Variants in PDIA5 observed in about 807,000 individuals in gnomAD.
PDIA5 encodes protein disulfide isomerase family A member 5.
Under a neutral mutation model 77.6 loss-of-function variants are expected in PDIA5, and 58 were observed. That is an observed-to-expected ratio of 0.75 (90% CI 0.61 to 0.93). PDIA5 has a LOEUF of 0.93. Among genes scored for constraint, PDIA5 ranks in the 40% least tolerant of loss-of-function variants. PDIA5 has a pLI of 0.00. For synonymous variants in PDIA5, 250 were observed against 252.1 expected (o/e 0.99, Z 0.08); for missense variants, 630 against 647.7 (o/e 0.97, Z 0.30).
intron 13 of PDIA5, among the ~76,000 whole-genome samples, chr3:123,149,242 T>G (rs1935830875): frequency 6.6e-6 from 1 of 152,174 alleles, no homozygotes; most frequent in African/African-American, 2.4e-5. Flanking sequence ...GAAAAACACC[T>G]GGAAATAAGG....
rs765284016 is a variant in PDIA5 at position 123,110,955 on chromosome 3, G to T, written c.492G>T (p.Arg164=). ...VHLDSEKDFR[R]LLKKEEKPLL... ...TTTTTGTGCCTCAGGACTTCAGACG[G>T]CTCCTGAAGAAGGAAGAGAAGCCGC... The change falls in exon 7 of 17, where the codon CGG becomes CGT. Residue 164 remains arginine (R), a synonymous_variant. Transcript: ENST00000316218. 1.9e-6 allele frequency: 3 copies of T among 1,613,698 alleles called. No homozygotes were observed.
chr3:123,086,897 G>C (rs1211674507), intron 1 of PDIA5, among the ~76,000 whole-genome samples: 1 of 152,168 alleles, frequency 6.6e-6, no homozygotes, highest in Non-Finnish European at 1.5e-5. Flanking sequence ...TAGTTTGGCT[G>C]GTTACAGAAT....
At chr3:123,150,087 T>C in intron 13 of PDIA5, 147 bp from the exon 14 acceptor site, 1 of 668,476 alleles carries the variant, frequency 1.5e-6, no homozygotes, top group Non-Finnish European at 2.6e-6. Flanking sequence ...GTGTTTAAAC[T>C]GTGGTTTTAA....
chr3:123,159,203 C>T (rs758516980), intron 15 of PDIA5, among the ~76,000 whole-genome samples: 5 of 152,228 alleles, frequency 3.3e-5, no homozygotes, highest in Non-Finnish European at 7.3e-5. Flanking sequence ...GCAGCAGCTC[C>T]TGGCCCGGGC....
At chr3:123,107,470 G>A (rs901317952) in intron 6 of PDIA5, among the ~76,000 whole-genome samples, 20 of 152,204 alleles carry the variant, frequency 1.3e-4, no homozygotes, top group Non-Finnish European at 1.5e-5. Context: ...CAGGAGGATC[G>A]CTTGAGCCCA....
At chr3:123,133,013 T>G (rs1406978875) in intron 11 of PDIA5, among the ~76,000 whole-genome samples, 2 of 152,220 alleles carry the variant, frequency 1.3e-5, no homozygotes, top group Non-Finnish European at 2.9e-5. Context: ...CGGATGGTAA[T>G]AGCTCTGGAT....
chr3:123,134,999 C>T (rs555026771), intron 11 of PDIA5, among the ~76,000 whole-genome samples: 1 of 152,318 alleles, frequency 6.6e-6, no homozygotes, highest in African/African-American at 2.4e-5. Context: ...CACAGTGGGG[C>T]CTCACATGCA....
intron 1 of PDIA5, among the ~76,000 whole-genome samples, chr3:123,077,615 T>C: frequency 6.6e-6 from 1 of 151,418 alleles, no homozygotes; most frequent in Admixed American, 6.6e-5. Context: ...GGACTCATGT[T>C]GCTTGGTTTT....
intron 1 of PDIA5, among the ~76,000 whole-genome samples, chr3:123,072,701 G>A (rs1317659509): frequency 6.6e-6 from 1 of 152,204 alleles, no homozygotes; most frequent in African/African-American, 2.4e-5. Context: ...TCTTGAGAAT[G>A]AAGACACCAA....
rs59022235 is a variant in PDIA5, at chr3:123,136,725, C to CAA, written c.910+6132_910+6133dup. On this transcript the variant is annotated intron_variant, in intron 11 of 16. Transcript: ENST00000316218. ...TTGCACTCCAGCCTGGGTGACAAGACAAAAAAAAAAAAAAAAAAAAAAAAG... is the reference window on the plus strand; with the variant it reads ...TTGCACTCCAGCCTGGGTGACAAGACAAAAAAAAAAAAAAAAAAAAAAAAAAG... Among the ~76,000 whole-genome samples, 415 of 71,428 alleles carry CAA rather than the reference C, an allele frequency of 5.8e-3. 1 individual carries two copies. The highest frequency in any genetic ancestry group is 6.4e-3 in the Non-Finnish European group (253 of 39,708). 46.9% of individuals were successfully genotyped at this position (71,428 alleles called of 152,430 possible).
intron 14 of PDIA5, among the ~76,000 whole-genome samples, chr3:123,151,471 T>C (rs1935891014): frequency 6.6e-6 from 1 of 151,930 alleles, no homozygotes; most frequent in South Asian, 2.1e-4. Context: ...AGAGTGAGAG[T>C]GTTTTCAGCA....
At chr3:123,113,223 A>G (rs979370251) in intron 7 of PDIA5, among the ~76,000 whole-genome samples, 2 of 152,188 alleles carry the variant, frequency 1.3e-5, no homozygotes, top group Non-Finnish European at 2.9e-5. Context: ...TGGAGTGTAT[A>G]TCAATATGCA....
intron 7 of PDIA5, among the ~76,000 whole-genome samples, chr3:123,115,114 C>T (rs1038997354): frequency 1.6e-4 from 25 of 152,164 alleles, no homozygotes; most frequent in African/African-American, 5.1e-4. Context: ...ACCCTGTGCC[C>T]GCTGTGCCAA....
intron 7 of PDIA5, among the ~76,000 whole-genome samples, chr3:123,111,948 G>A (rs759707103): frequency 1.3e-5 from 2 of 152,026 alleles, no homozygotes; most frequent in African/African-American, 2.4e-5. Flanking sequence ...TATGGCCCAC[G>A]GGCCAGCTGC....
chr3:123,099,764 A>T (rs1270030884), intron 3 of PDIA5, among the ~76,000 whole-genome samples: 4 of 152,104 alleles, frequency 2.6e-5, no homozygotes, highest in African/African-American at 9.7e-5. Context: ...TTTTCCATGG[A>T]GGGGTTTCCC....
At chr3:123,158,953 C>T (rs1432957262) in intron 15 of PDIA5, among the ~76,000 whole-genome samples, 1 of 152,326 alleles carries the variant, frequency 6.6e-6, no homozygotes, top group East Asian at 1.9e-4. Flanking sequence ...GTCTCTTCTT[C>T]TGTGGAAAAC....
chr3:123,115,725 C>T (rs763509954), intron 7 of PDIA5, among the ~76,000 whole-genome samples: 7 of 152,224 alleles, frequency 4.6e-5, no homozygotes, highest in Non-Finnish European at 8.8e-5. Context: ...GCTTAATTAT[C>T]CTTGTTAATG....
intron 15 of PDIA5, among the ~76,000 whole-genome samples, chr3:123,155,573 G>T (rs1251684511): frequency 2.0e-5 from 3 of 152,226 alleles, no homozygotes; most frequent in Admixed American, 1.3e-4. Flanking sequence ...CCAGGCAGCT[G>T]GTGCAGTGGG....
At chr3:123,120,189 TG>T (rs1935077870) in intron 8 of PDIA5, among the ~76,000 whole-genome samples, 2 of 152,222 alleles carry the variant, frequency 1.3e-5, no homozygotes, top group Non-Finnish European at 2.9e-5. Flanking sequence ...TCGGCCATGA[TG>T]GGCCAGTCTG....
Sources: allele counts gnomAD v4.1 joint callset (sites outside exome capture counted in the v4.1 genomes callset), GRCh38; gene constraint gnomAD v4.1.1; transcripts MANE v1.5; gene names NCBI Gene and HGNC (gene_info 2026-07-23, HGNC 2026-07-21).